Variants in SETD2 observed in about 807,000 individuals in gnomAD.
SETD2 encodes SET domain containing 2, histone lysine methyltransferase.
In SETD2, 31 loss-of-function variants were observed where a neutral mutation model predicts 242.1. That is an observed-to-expected ratio of 0.13 (90% CI 0.10 to 0.17). The LOEUF (loss-of-function observed/expected upper bound fraction) is 0.17. SETD2 is among the 10% of genes least tolerant of loss of function. The probability of loss-of-function intolerance (pLI) is 1.00; values close to 1 mark genes in which losing one functional copy is unlikely to be tolerated. For synonymous variants in SETD2, 1,006 were observed against 1,066.5 expected (o/e 0.94, Z 1.11); for missense variants, 2,481 against 3,046.3 (o/e 0.81, Z 4.37).
At position 47,120,316 on chromosome 3, in the gene SETD2, T is replaced by G. The variant is rs74485823; in HGVS notation, c.4320A>C (p.Pro1440=). Residue 1440 remains proline (P), a synonymous_variant, in exon 3 of 21, where the codon CCA becomes CCC. Coordinates refer to ENST00000409792, the MANE Select transcript of SETD2 (RefSeq NM_014159.7). ...EVEQGETSVP[P]GSALVGPSCV... ...AGGAGGGCCCAACCAGTGCTGAACC[T>G]GGGGGCACTGATGTCTCTCCCTGCT... 1 of 1,613,812 alleles carries G rather than the reference T, an allele frequency of 6.2e-7. No individual in the cohort carries two copies. Among genetic ancestry groups the G allele is most frequent in the Non-Finnish European group, 8.5e-7 (1 of 1,179,950 alleles).
chr3:47,075,586 A>AAAG (rs1559693439), intron 12 of SETD2, among the ~76,000 whole-genome samples: 1 of 146,668 alleles, frequency 6.8e-6, no homozygotes, highest in Non-Finnish European at 1.5e-5. Context: ...AAAAAAAAAA[A>AAAG]AAGAAGAATC....
intron 15 of SETD2, among the ~76,000 whole-genome samples, chr3:47,056,367 T>A (rs1240320647): frequency 2.0e-5 from 3 of 152,032 alleles, no homozygotes; most frequent in African/African-American, 7.2e-5. Flanking sequence ...CTTCAGGTGA[T>A]CCGTCCACCT....
At chr3:47,128,651 C>T (rs566040233) in intron 1 of SETD2, among the ~76,000 whole-genome samples, 339 of 152,184 alleles carry the variant, frequency 2.2e-3, no homozygotes, top group Middle Eastern at 6.8e-3. Context: ...CAAAATTAAC[C>T]ATTTTTTTCT....
At chr3:47,131,493 A>G (rs911134569) in intron 1 of SETD2, among the ~76,000 whole-genome samples, 4 of 150,398 alleles carry the variant, frequency 2.7e-5, no homozygotes, top group African/African-American at 4.9e-5. Context: ...ACAGGCGCCC[A>G]CCACCACACC....
At chr3:47,131,080 G>T (rs770732877) in intron 1 of SETD2, among the ~76,000 whole-genome samples, 1 of 152,032 alleles carries the variant, frequency 6.6e-6, no homozygotes, top group Non-Finnish European at 1.5e-5. Flanking sequence ...CCTATCAAGC[G>T]CATTAATAAA....
At position 47,120,923 on chromosome 3, in the gene SETD2, G is replaced by A. The variant is rs1206648592; in HGVS notation, c.3713C>T (p.Ser1238Phe). 6.2e-7 allele frequency: 1 copy of A among 1,614,086 alleles called. No individual in the cohort carries two copies. The highest frequency in any genetic ancestry group is 2.2e-5 in the East Asian group (1 of 44,906). The change falls in exon 3 of 21, where the codon TCT becomes TTT. Residue 1238 changes from serine (S) to phenylalanine (F), a missense_variant. Around this residue, in one of 17 missense-constraint regions of SETD2, gnomAD observed 1,300 missense variants for 1,259.2 expected, o/e 1.03. Transcript: ENST00000409792. ...CACATGTGGTATCTCACAAGAGGAA[G>A]AAAAACTCAATTCTGTTTTTCCCAG... ...SRLGKTELSF[S>F]SSCEIPHVDG... is the part of the protein sequence containing the mutation.
intron 1 of SETD2, among the ~76,000 whole-genome samples, chr3:47,147,364 C>T (rs1471111786): frequency 6.7e-6 from 1 of 148,840 alleles, no homozygotes; most frequent in African/African-American, 2.5e-5. Context: ...ACCCTGTCGC[C>T]CAGGATGGAG....
chr3:47,161,131 C>T (rs1230801317), intron 1 of SETD2, among the ~76,000 whole-genome samples: 1 of 152,150 alleles, frequency 6.6e-6, no homozygotes, highest in Non-Finnish European at 1.5e-5. Flanking sequence ...AGCCATGTTG[C>T]CCACCTAGTC....
chr3:47,102,695 G>A (rs1018816681), intron 7 of SETD2, among the ~76,000 whole-genome samples: 3 of 149,808 alleles, frequency 2.0e-5, no homozygotes, highest in South Asian at 2.1e-4. Context: ...TTGGGAGGCT[G>A]AGGCAGGAGA....
intron 18 of SETD2, among the ~76,000 whole-genome samples, chr3:47,025,657 G>C (rs931552847): frequency 3.9e-5 from 6 of 151,952 alleles, no homozygotes; most frequent in Non-Finnish European, 8.8e-5. Flanking sequence ...TCTTTCTTAA[G>C]CCTTTGCAAA....
chr3:47,034,447 T>C (rs925794651), intron 18 of SETD2, among the ~76,000 whole-genome samples: 21 of 152,236 alleles, frequency 1.4e-4, no homozygotes, highest in African/African-American at 4.8e-4. Flanking sequence ...CTTCCTAGGA[T>C]AGACTATATT....
intron 18 of SETD2, among the ~76,000 whole-genome samples, chr3:47,025,593 C>A (rs1369012878): frequency 6.6e-6 from 1 of 152,192 alleles, no homozygotes; most frequent in African/African-American, 2.4e-5. Flanking sequence ...CTATATGCAT[C>A]CAAACTCTCA....
intron 15 of SETD2, among the ~76,000 whole-genome samples, chr3:47,050,145 G>A (rs2039760348): frequency 6.6e-6 from 1 of 151,338 alleles, no homozygotes; most frequent in Non-Finnish European, 1.5e-5. Flanking sequence ...GAGAATAATT[G>A]AATGTTTCTA....
At chr3:47,088,415 A>T (rs973312829) in intron 9 of SETD2, among the ~76,000 whole-genome samples, 168 bp from the exon 10 acceptor site, 1 of 151,868 alleles carries the variant, frequency 6.6e-6, no homozygotes, top group Non-Finnish European at 1.5e-5. Context: ...GATAATAACA[A>T]GTCTACTGTT....
rs553556151 is a variant in SETD2 at position 47,071,486 on chromosome 3, T to G, written c.6061-4368A>C. ...CAAAATACTGCATATACCCTACGCT[T>G]TTATCCCTGGAAAGAACTACTGTTT... On this transcript the variant is annotated intron_variant, in intron 12 of 20. Coordinates refer to ENST00000409792, the MANE Select transcript of SETD2 (RefSeq NM_014159.7). 2.0e-5 allele frequency among the ~76,000 whole-genome samples: 3 copies of G among 152,282 alleles called. No individual in the cohort carries two copies. The South Asian group carries it at 6.2e-4, about 32-fold the overall frequency.
At position 47,017,539 on chromosome 3, in the gene SETD2, GA is replaced by G. The variant is rs879918934; in HGVS notation, c.7533+98del. On this transcript the variant is annotated intron_variant, in intron 20 of 20. Coordinates refer to ENST00000409792, the MANE Select transcript of SETD2 (RefSeq NM_014159.7). The surrounding 1 kb of genome is among the most constrained non-coding windows in gnomAD (Gnocchi z 4.8). Reference sequence around the variant, plus strand: ...GGTCCCCAGCTCTGACATCTGACAAGAAAAAAAAAAATACTTTCTATGATGA... The same window carrying G: ...GGTCCCCAGCTCTGACATCTGACAAGAAAAAAAAAATACTTTCTATGATGA... The G allele has an allele frequency of 0.065, 40,697 of 628,050 alleles. 1 individual carries two copies. Among genetic ancestry groups the G allele is most frequent in the South Asian group, 0.091 (3,263 of 35,920 alleles). 38.9% of individuals were successfully genotyped at this position (628,050 alleles called of 1,614,324 possible).
intron 2 of SETD2, 42 bp from the exon 3 acceptor site, chr3:47,124,590 G>C (rs1176831884): frequency 6.8e-7 from 1 of 1,472,902 alleles, no homozygotes; most frequent in African/African-American, 1.4e-5. Flanking sequence ...ACAATAAATA[G>C]TTACTTTCAA....
intron 1 of SETD2, among the ~76,000 whole-genome samples, chr3:47,143,454 T>C (rs1049717756): frequency 6.6e-6 from 1 of 152,208 alleles, no homozygotes; most frequent in African/African-American, 2.4e-5. Flanking sequence ...GTGCTAAATT[T>C]TCATTTCCTG....
intron 12 of SETD2, among the ~76,000 whole-genome samples, chr3:47,070,109 T>A (rs1274375804): frequency 1.3e-5 from 2 of 152,150 alleles, no homozygotes; most frequent in Admixed American, 6.6e-5. Flanking sequence ...ATTACAAAAA[T>A]TTAAAGTAAT....
Sources: gnomAD v4.1 joint callset for allele counts (sites outside exome capture counted in the v4.1 genomes callset) on GRCh38, gnomAD v4.1.1 for gene constraint, gnomAD v4.1.1 regional missense constraint, Gnocchi (gnomAD v3.1) non-coding constraint, MANE v1.5 for transcripts, NCBI Gene and HGNC (gene_info 2026-07-23, HGNC 2026-07-21) for gene names.